ANKRD18A: variants seen among roughly 807,000 people sequenced by gnomAD.
The protein encoded by ANKRD18A is ankyrin repeat domain-containing protein 18A.
In ANKRD18A, 72 loss-of-function variants were observed where a neutral mutation model predicts 110.6. The observed-to-expected ratio is 0.65, with a 90% CI of 0.54 to 0.79. The LOEUF (loss-of-function observed/expected upper bound fraction) is 0.79. ANKRD18A is among the 30% of genes least tolerant of loss of function. ANKRD18A has a pLI of 0.00. For missense variants in ANKRD18A, 934 were observed against 1,163.3 expected (o/e 0.80, Z 2.87); for synonymous variants, 305 against 410.3 (o/e 0.74, Z 3.10).
downstream of ANKRD18A, among the ~76,000 whole-genome samples, chr9:38,569,592 C>A (rs1350773998): frequency 2.0e-5 from 3 of 152,148 alleles, no homozygotes; most frequent in Admixed American, 6.5e-5. Context: ...GTCAAGAGGG[C>A]CCAGAGTCGG....
chr9:38,596,720 G>C (rs1487195467), intron 8 of ANKRD18A, among the ~76,000 whole-genome samples: 5 of 152,112 alleles, frequency 3.3e-5, no homozygotes, highest in Admixed American at 3.3e-4. Flanking sequence ...TAAAAAATTT[G>C]ACTAAATTAA....
At chr9:38,608,055 G>A (rs1055953201) in intron 5 of ANKRD18A, among the ~76,000 whole-genome samples, 8 of 152,264 alleles carry the variant, frequency 5.3e-5, no homozygotes, top group African/African-American at 1.9e-4. Flanking sequence ...ATGTTATTAA[G>A]TGCTAATTTT....
At chr9:38,604,679 C>T (rs1825275016) in intron 6 of ANKRD18A, among the ~76,000 whole-genome samples, 1 of 151,638 alleles carries the variant, frequency 6.6e-6, no homozygotes, top group Non-Finnish European at 1.5e-5. Flanking sequence ...GAACTTGTAT[C>T]TAGACACAGG....
intron 13 of ANKRD18A, 120 bp downstream of exon 13, chr9:38,577,747 C>T (rs1351354565): frequency 3.6e-5 from 42 of 1,161,160 alleles, no homozygotes; most frequent in Non-Finnish European, 4.5e-5. Flanking sequence ...TAGAACTCTA[C>T]GAAGGAAATT....
intron 8 of ANKRD18A, among the ~76,000 whole-genome samples, chr9:38,599,791 A>G (rs1825044867): frequency 6.6e-6 from 1 of 152,156 alleles, no homozygotes; most frequent in African/African-American, 2.4e-5. Flanking sequence ...GGAAGTCCTG[A>G]ATATACAGAT....
At position 38,576,010 on chromosome 9, in the gene ANKRD18A, T is replaced by C. The variant is rs149954304; in HGVS notation, c.2742-312A>G. 6.1e-3 allele frequency among the ~76,000 whole-genome samples: 932 copies of C among 152,340 alleles called. 6 individuals carry two copies. Among genetic ancestry groups the C allele is most frequent in the Non-Finnish European group, 8.7e-3 (593 of 68,028 alleles). On this transcript the variant is annotated intron_variant, in intron 14 of 15. Coordinates refer to ENST00000399703, the MANE Select transcript of ANKRD18A (RefSeq NM_147195.4). ...CTGCCTTCTAAAATAGCTCTACTTA[T>C]AAGATTCTAAAGATTCCTTTAGATA... is the stretch of plus-strand genomic sequence containing the variant.
chr9:38,608,264 C>T (rs1825445125), intron 5 of ANKRD18A, among the ~76,000 whole-genome samples: 1 of 152,008 alleles, frequency 6.6e-6, no homozygotes, highest in Non-Finnish European at 1.5e-5. Context: ...ACTACCATTC[C>T]TTCTCTACCT....
At chr9:38,594,215 A>G (rs946018738) in intron 9 of ANKRD18A, among the ~76,000 whole-genome samples, 4 of 152,300 alleles carry the variant, frequency 2.6e-5, no homozygotes, top group Admixed American at 2.6e-4. Context: ...CTTCCAACGG[A>G]TTCCTACCTC....
At chr9:38,576,961 C>T in intron 14 of ANKRD18A, 92 bp downstream of exon 14, 2 of 1,075,318 alleles carry the variant, frequency 1.9e-6, no homozygotes, top group East Asian at 5.2e-5. Flanking sequence ...TCACTTCCTA[C>T]TGATCTCCTG....
chr9:38,609,275 C>A (rs183292021), intron 5 of ANKRD18A, among the ~76,000 whole-genome samples: 41 of 152,090 alleles, frequency 2.7e-4, no homozygotes, highest in African/African-American at 9.2e-4. Flanking sequence ...GTCAGGAGAT[C>A]GAGACCATCC....
chr9:38,580,020 T>C (rs1201111526), intron 12 of ANKRD18A, among the ~76,000 whole-genome samples: 1 of 152,236 alleles, frequency 6.6e-6, no homozygotes, highest in Admixed American at 6.5e-5. Context: ...CTCTTACTTG[T>C]AGCCACGTGG....
intron 15 of ANKRD18A, 160 bp from the exon 16 acceptor site, chr9:38,572,219 T>A: frequency 3.9e-6 from 2 of 508,964 alleles, no homozygotes; most frequent in East Asian, 3.8e-5. Context: ...CATTTACACA[T>A]GGCGTTAATT....
At chr9:38,583,015 G>T (rs778497222) in intron 12 of ANKRD18A, among the ~76,000 whole-genome samples, 2 of 152,166 alleles carry the variant, frequency 1.3e-5, no homozygotes, top group Non-Finnish European at 2.9e-5. Context: ...AATTTGAATA[G>T]ATATTTCTGC....
intron 1 of ANKRD18A, among the ~76,000 whole-genome samples, chr9:38,616,455 T>A (rs1282147281): frequency 6.6e-6 from 1 of 152,208 alleles, no homozygotes; most frequent in Non-Finnish European, 1.5e-5. Flanking sequence ...CAATAACTGT[T>A]AGACTTTTGT....
At chr9:38,568,656 G>A (rs1253104696), downstream of ANKRD18A, 1 of 892,732 alleles carries the variant, frequency 1.1e-6, no homozygotes, top group Non-Finnish European at 1.3e-6. Context: ...CTTTGAGCCA[G>A]CTTGGCCTTG....
chr9:38,609,940 C>CA (rs1312973805), intron 5 of ANKRD18A, among the ~76,000 whole-genome samples: 32,225 of 90,628 alleles, frequency 0.36, 4,085 homozygotes, highest in East Asian at 0.52. Flanking sequence ...GACCTTGTCT[C>CA]AAAAAAAAAA....
chr9:38,619,982 G>T, intron 1 of ANKRD18A, 98 bp downstream of exon 1: 6 of 1,424,250 alleles, frequency 4.2e-6, no homozygotes, highest in South Asian at 1.4e-5. Context: ...CTCCGAGGGT[G>T]CCCGGCGCCC....
chr9:38,569,408 C>T (rs1352173619), downstream of ANKRD18A: 8 of 985,210 alleles, frequency 8.1e-6, no homozygotes, highest in African/African-American at 1.7e-5. Context: ...CACCTGAGTC[C>T]GATCAGTCAG....
intron 15 of ANKRD18A, among the ~76,000 whole-genome samples, chr9:38,573,899 CT>C (rs923869137): frequency 6.1e-5 from 9 of 148,256 alleles, no homozygotes; most frequent in South Asian, 2.2e-4. Flanking sequence ...GTAAAGTTTT[CT>C]TTTTTTTTTC....
Sources: allele counts gnomAD v4.1 joint callset (sites outside exome capture counted in the v4.1 genomes callset), GRCh38; gene constraint gnomAD v4.1.1; transcripts MANE v1.5; gene names NCBI Gene and HGNC (gene_info 2026-07-23, HGNC 2026-07-21).